DLG5: variants seen among roughly 807,000 people sequenced by gnomAD.
The protein encoded by DLG5 is discs large MAGUK scaffold protein 5.
A neutral mutation model predicts 189.8 loss-of-function variants in DLG5; 48 were observed. The observed-to-expected ratio is 0.25, with a 90% CI of 0.20 to 0.32. The LOEUF (loss-of-function observed/expected upper bound fraction) is 0.32. Among genes scored for constraint, DLG5 ranks in the 10% least tolerant of loss-of-function variants. The probability of loss-of-function intolerance (pLI) is 1.00; values close to 1 mark genes in which losing one functional copy is unlikely to be tolerated. For missense variants in DLG5, 2,160 were observed against 2,544.7 expected (o/e 0.85, Z 3.25); for synonymous variants, 1,016 against 1,054.1 (o/e 0.96, Z 0.70).
the DLG5 span, among the ~76,000 whole-genome samples, chr10:77,936,771 C>T: frequency 4.6e-5 from 7 of 152,218 alleles, no homozygotes; most frequent in Non-Finnish European, 7.3e-5. Flanking sequence ...AAGTTTATCA[C>T]CTCAATTCTT....
chr10:77,833,182 T>C (rs1195933023), intron 9 of DLG5, among the ~76,000 whole-genome samples: 1 of 152,138 alleles, frequency 6.6e-6, no homozygotes, highest in Non-Finnish European at 1.5e-5. Context: ...TAAACCCTGA[T>C]CTTTGTATTT....
chr10:77,897,214 G>A (rs1049472667), intron 1 of DLG5, among the ~76,000 whole-genome samples: 1 of 151,968 alleles, frequency 6.6e-6, no homozygotes. Context: ...AAATTAGCTG[G>A]ATGTAGTGGT....
chr10:77,869,658 G>T (rs762730301), intron 1 of DLG5: 1 of 167,732 alleles, frequency 6.0e-6, no homozygotes, highest in Non-Finnish European at 1.3e-5. Context: ...CTGTATTCAA[G>T]CTCAGTTCTT....
rs1200036871 is a variant in DLG5, at chr10:77,794,078, A to G, written c.5586T>C (p.Thr1862=). Reference sequence around the variant, plus strand: ...CAAACTGCTCTTTGGAATGCCTCTGAGTCACCTTGTCCCTCAGGTAGATGG... The same window carrying G: ...CAAACTGCTCTTTGGAATGCCTCTGGGTCACCTTGTCCCTCAGGTAGATGG... The part of the protein sequence containing the change: ...RDPIYLRDKV[T]QRHSKEQFEA... The change falls in exon 31 of 32, where the codon ACT becomes ACC. Residue 1862 remains threonine (T), a synonymous_variant. Coordinates refer to ENST00000372391, the MANE Select transcript of DLG5 (RefSeq NM_004747.4). 6.2e-7 allele frequency: 1 copy of G among 1,614,068 alleles called. No homozygotes were observed. The highest frequency in any genetic ancestry group is 2.2e-5 in the East Asian group (1 of 44,886).
intron 5 of DLG5, among the ~76,000 whole-genome samples, chr10:77,843,996 T>G (rs1843559503): frequency 6.6e-6 from 1 of 152,190 alleles, no homozygotes; most frequent in African/African-American, 2.4e-5. Context: ...GCTTGCAAGG[T>G]TGACCCTACC....
At position 77,854,345 on chromosome 10, in the gene DLG5, A is replaced by G. The variant is rs1844126469; in HGVS notation, c.562T>C (p.Tyr188His). 6.2e-7 allele frequency: 1 copy of G among 1,614,110 alleles called. No individual in the cohort carries two copies. The highest frequency in any genetic ancestry group is 8.5e-7 in the Non-Finnish European group (1 of 1,180,044). Residue 188 changes from tyrosine to histidine, a missense_variant, in exon 4 of 32, where the codon TAT (tyrosine) becomes CAT (histidine). Tyr to His is a moderately conservative substitution (Grantham distance 83). Coordinates refer to ENST00000372391, the MANE Select transcript of DLG5 (RefSeq NM_004747.4). ...KRPYHRLNPD[Y>H]ERLKIQCVRA... ...ACGCACTGGATCTTCAGCCTCTCATAGTCAGGATTCAGCCTGTGGTAGGGC... is the reference window on the plus strand; with the variant it reads ...ACGCACTGGATCTTCAGCCTCTCATGGTCAGGATTCAGCCTGTGGTAGGGC...
chr10:77,810,688 G>C (rs1045152814), intron 23 of DLG5, among the ~76,000 whole-genome samples: 3 of 152,224 alleles, frequency 2.0e-5, no homozygotes, highest in Non-Finnish European at 4.4e-5. Flanking sequence ...GGCCGGCAGT[G>C]CCCTCCCAGC....
upstream of DLG5, among the ~76,000 whole-genome samples, chr10:77,931,252 G>A (rs538077370): frequency 2.2e-3 from 337 of 151,492 alleles, 1 homozygote; most frequent in African/African-American, 6.9e-3. Context: ...ACTGTGCCCC[G>A]CCCTATTTAT....
intron 15 of DLG5, 21 bp from the exon 16 acceptor site, chr10:77,820,039 G>A (rs1842261488): frequency 6.2e-7 from 1 of 1,611,870 alleles, no homozygotes; most frequent in Non-Finnish European, 8.5e-7. Flanking sequence ...AAGGGCAAGA[G>A]TGTCTGCTAG....
chr10:77,858,078 G>C (rs1844321000), intron 2 of DLG5, among the ~76,000 whole-genome samples: 1 of 152,166 alleles, frequency 6.6e-6, no homozygotes, highest in South Asian at 2.1e-4. Context: ...AGGGAGCTCA[G>C]GGCCAGGCAT....
chr10:77,800,182 G>C (rs1024264524), intron 27 of DLG5, among the ~76,000 whole-genome samples: 7 of 152,298 alleles, frequency 4.6e-5, no homozygotes, highest in African/African-American at 1.7e-4. Context: ...ATTAGCTGGG[G>C]TAACTTTTAA....
At chr10:77,925,828 A>G (rs1048045995) in intron 1 of DLG5, among the ~76,000 whole-genome samples, 1 of 152,162 alleles carries the variant, frequency 6.6e-6, no homozygotes, top group East Asian at 1.9e-4. Flanking sequence ...CCCAAGTCCC[A>G]TTCTTCTGGA....
At chr10:77,919,378 C>A (rs1846466345) in intron 1 of DLG5, among the ~76,000 whole-genome samples, 1 of 151,940 alleles carries the variant, frequency 6.6e-6, no homozygotes, top group African/African-American at 2.4e-5. Context: ...AAAATCGAGT[C>A]CAACCCAATC....
intron 1 of DLG5, among the ~76,000 whole-genome samples, chr10:77,896,741 C>T (rs914225740): frequency 2.0e-5 from 3 of 151,902 alleles, no homozygotes; most frequent in Non-Finnish European, 4.4e-5. Flanking sequence ...ATCGCTTGAA[C>T]CCAGGAGGCA....
At chr10:77,809,447 G>A in intron 24 of DLG5, 100 bp downstream of exon 24, 4 of 1,323,414 alleles carry the variant, frequency 3.0e-6, no homozygotes, top group Non-Finnish European at 4.2e-6. Flanking sequence ...CTCACCAGAT[G>A]AGAGGCTGTA....
intron 4 of DLG5, 72 bp downstream of exon 4, chr10:77,854,155 G>C: frequency 6.4e-7 from 1 of 1,565,466 alleles, no homozygotes; most frequent in Non-Finnish European, 8.7e-7. Flanking sequence ...TGGCTACTAA[G>C]TCCAGAGAAA....
At chr10:77,872,116 CCACT>C (rs1844925697) in intron 1 of DLG5, among the ~76,000 whole-genome samples, 1 of 152,126 alleles carries the variant, frequency 6.6e-6, no homozygotes. Context: ...ATAAATTTCC[CCACT>C]CTCACCTCCA....
At chr10:77,903,795 G>C (rs1228172224) in intron 1 of DLG5, among the ~76,000 whole-genome samples, 2 of 152,096 alleles carry the variant, frequency 1.3e-5, no homozygotes, top group Admixed American at 1.3e-4. Flanking sequence ...AATACTTCTG[G>C]TCCTAAGTAT....
chr10:77,923,843 A>G (rs993113265), intron 1 of DLG5, among the ~76,000 whole-genome samples: 1 of 151,370 alleles, frequency 6.6e-6, no homozygotes, highest in African/African-American at 2.4e-5. Flanking sequence ...GCATCTTGCC[A>G]TACCAAATGC....
Sources: allele counts gnomAD v4.1 joint callset (sites outside exome capture counted in the v4.1 genomes callset), GRCh38; gene constraint gnomAD v4.1.1; transcripts MANE v1.5; gene names NCBI Gene and HGNC (gene_info 2026-07-23, HGNC 2026-07-21).